ARID2: variants seen among roughly 807,000 people sequenced by gnomAD.
ARID2 encodes AT-rich interactive domain-containing protein 2.
A neutral mutation model predicts 184.6 loss-of-function variants in ARID2; 32 were observed. That is an observed-to-expected ratio of 0.17 (90% CI 0.13 to 0.23). ARID2 has a LOEUF of 0.23. Among genes scored for constraint, ARID2 ranks in the 10% least tolerant of loss-of-function variants. The pLI is 1.00. For synonymous variants in ARID2, 836 were observed against 772.6 expected (o/e 1.08, Z -1.36); for missense variants, 1,696 against 2,197.6 (o/e 0.77, Z 4.56).
At chr12:45,781,776 T>C (rs145315258) in intron 3 of ARID2, among the ~76,000 whole-genome samples, 1 of 152,310 alleles carries the variant, frequency 6.6e-6, no homozygotes, top group East Asian at 1.9e-4. Context: ...AAAAGCTGCT[T>C]ATTGTATCCT....
In ARID2 at chr12:45,811,558, A is replaced by G. The variant is rs2138083143; in HGVS notation, c.418+7A>G. 6.2e-7 allele frequency: 1 copy of G among 1,611,872 alleles called. No homozygotes were observed. The highest frequency in any genetic ancestry group is 2.2e-5 in the East Asian group (1 of 44,824). On this transcript the variant is annotated splice_region_variant and intron_variant, in intron 4 of 20. Transcript: ENST00000334344. ...CAGCAACACAGTGTGTCGGGTAAAT[A>G]TCACTGCAAATTAACAGGATATATG...
chr12:45,900,909 C>G (rs1308065585), intron 20 of ARID2, among the ~76,000 whole-genome samples: 2 of 151,834 alleles, frequency 1.3e-5, no homozygotes, highest in African/African-American at 4.8e-5. Flanking sequence ...ATCTGTTTTC[C>G]CCCCTCTAGA....
At chr12:45,832,702 C>T (rs2408437) in intron 6 of ARID2, among the ~76,000 whole-genome samples, 45,127 of 151,836 alleles carry the variant, frequency 0.3, 6,874 homozygotes, top group Admixed American at 0.33. Context: ...GGTTCTGCAT[C>T]CATAGATTTA....
At chr12:45,867,360 C>G (rs1050971999) in intron 16 of ARID2, among the ~76,000 whole-genome samples, 1 of 152,042 alleles carries the variant, frequency 6.6e-6, no homozygotes, top group African/African-American at 2.4e-5. Flanking sequence ...TCAAGTGATC[C>G]CTCCCGCCTC....
chr12:45,864,564 A>G (rs1034311645), intron 16 of ARID2, among the ~76,000 whole-genome samples: 1 of 151,144 alleles, frequency 6.6e-6, no homozygotes. Flanking sequence ...GAGCATTACA[A>G]TCTGGATTTT....
Position 45,891,918 on chromosome 12 carries a change from G to A in ARID2, c.5061G>A (p.Gln1687=), listed in dbSNP as rs2138232685. ...GGTTTTCTTTTATTACCCACTTGCA[G>A]GTACACTTTTTAAATACTATTTGAT... The part of the protein sequence containing the change: ...RQRFSFITHL[Q]DKHCSKDALL... The change falls in exon 17 of 21, where the codon CAG becomes CAA. Residue 1687 remains glutamine (Q), a splice_region_variant and synonymous_variant. Coordinates refer to ENST00000334344, the MANE Select transcript of ARID2 (RefSeq NM_152641.4). The A allele has an allele frequency of 6.2e-7, 1 of 1,614,076 alleles. No homozygotes were observed. The highest frequency in any genetic ancestry group is 8.5e-7 in the Non-Finnish European group (1 of 1,179,998).
intron 3 of ARID2, among the ~76,000 whole-genome samples, chr12:45,735,683 TA>T (rs1365468093): frequency 6.6e-6 from 1 of 152,134 alleles, no homozygotes; most frequent in Non-Finnish European, 1.5e-5. Flanking sequence ...GTTACGTTTT[TA>T]AAGGACATGC....
chr12:45,897,024 C>T (rs1342570858), intron 20 of ARID2, among the ~76,000 whole-genome samples: 1 of 152,222 alleles, frequency 6.6e-6, no homozygotes, highest in Non-Finnish European at 1.5e-5. Flanking sequence ...ACTCCCACTT[C>T]TGATTTACTA....
chr12:45,904,199 T>C (rs904840290), intron 20 of ARID2: 4 of 544,104 alleles, frequency 7.4e-6, no homozygotes, highest in African/African-American at 3.9e-5. Context: ...ATAGTTAAGC[T>C]AGATGTGGCT....
intron 3 of ARID2, among the ~76,000 whole-genome samples, chr12:45,764,973 TG>T (rs1470751696): frequency 6.6e-6 from 1 of 152,244 alleles, no homozygotes; most frequent in Non-Finnish European, 1.5e-5. Flanking sequence ...TAGCAATATG[TG>T]AGTTCCAGTT....
intron 18 of ARID2, 124 bp from the exon 19 acceptor site, chr12:45,893,296 A>T (rs2136461679): frequency 1.7e-6 from 2 of 1,182,886 alleles, no homozygotes; most frequent in South Asian, 1.9e-5. Flanking sequence ...TTGGACCTTT[A>T]GTCACCCTGT....
intron 3 of ARID2, among the ~76,000 whole-genome samples, chr12:45,747,838 C>T (rs1184551595): frequency 6.6e-6 from 1 of 151,998 alleles, no homozygotes; most frequent in African/African-American, 2.4e-5. Flanking sequence ...CTAATGTCTC[C>T]CTATCTGTCT....
chr12:45,863,149 T>G (rs1215464224), intron 16 of ARID2, among the ~76,000 whole-genome samples: 1 of 152,214 alleles, frequency 6.6e-6, no homozygotes, highest in Non-Finnish European at 1.5e-5. Context: ...AGAGTTTTAC[T>G]ACAAGCATTA....
At chr12:45,759,253 G>T (rs1250951802) in intron 3 of ARID2, among the ~76,000 whole-genome samples, 8 of 152,120 alleles carry the variant, frequency 5.3e-5, no homozygotes, top group Non-Finnish European at 8.8e-5. Context: ...AGTTCCCCAG[G>T]ATGTCTGAAT....
rs766291405 is a variant in ARID2, at chr12:45,879,571, T to C, written c.4923-12209T>C. Among the ~76,000 whole-genome samples the C allele has an allele frequency of 2.2e-4, 34 of 152,230 alleles. 2 individuals carry two copies. The highest frequency in any genetic ancestry group is 4.6e-4 in the Non-Finnish European group (31 of 68,042). On this transcript the variant is annotated intron_variant, in intron 16 of 20. Transcript: ENST00000334344. Reference sequence around the variant, plus strand: ...TCCAGCTATAAGGGCTGATTCTCTGTATTCAAGGGTCTCTCCAGCTTTCAG... The same window carrying C: ...TCCAGCTATAAGGGCTGATTCTCTGCATTCAAGGGTCTCTCCAGCTTTCAG...
chr12:45,734,480 T>C (rs968784828), intron 3 of ARID2, among the ~76,000 whole-genome samples: 2 of 152,194 alleles, frequency 1.3e-5, no homozygotes, highest in East Asian at 3.8e-4. Context: ...TACATCTCAA[T>C]GTGTTCCACC....
rs141340677 is a variant in ARID2 at position 45,851,804 on chromosome 12, A to G, written c.3681A>G (p.Gln1227=). The change falls in exon 15 of 21, where the codon CAA becomes CAG. Residue 1227 remains glutamine (Q), a synonymous_variant. Transcript: ENST00000334344. ...LPATQASPAG[Q]SSCTTATPPF... Reference sequence around the variant, plus strand: ...CCACTCAAGCATCTCCTGCTGGACAATCATCATGTACTACTGCTACTCCCC... The same window carrying G: ...CCACTCAAGCATCTCCTGCTGGACAGTCATCATGTACTACTGCTACTCCCC... 3.7e-6 allele frequency: 6 copies of G among 1,614,148 alleles called. No homozygotes were observed. Among genetic ancestry groups the G allele is most frequent in the African/African-American group, 2.7e-5 (2 of 75,042 alleles).
intron 3 of ARID2, among the ~76,000 whole-genome samples, chr12:45,777,864 A>C (rs982649668): frequency 9.3e-5 from 14 of 150,228 alleles, no homozygotes; most frequent in African/African-American, 3.4e-4. Flanking sequence ...TATACTCAAC[A>C]AGTAGAATTT....
intron 6 of ARID2, among the ~76,000 whole-genome samples, chr12:45,833,942 CT>C (rs1565613920): frequency 6.6e-6 from 1 of 152,188 alleles, no homozygotes; most frequent in African/African-American, 2.4e-5. Flanking sequence ...AAAATTTGCT[CT>C]CATATTCTAG....
Sources: gnomAD v4.1 joint callset for allele counts (sites outside exome capture counted in the v4.1 genomes callset) on GRCh38, gnomAD v4.1.1 for gene constraint, MANE v1.5 for transcripts, NCBI Gene and HGNC (gene_info 2026-07-23, HGNC 2026-07-21) for gene names.